Variants in CPE observed in about 807,000 individuals in gnomAD.
CPE encodes carbocypeptidase E.
Under a neutral mutation model 53.5 loss-of-function variants are expected in CPE, and 17 were observed. The observed-to-expected ratio is 0.32, with a 90% CI of 0.22 to 0.48. CPE has a LOEUF of 0.48. CPE is among the 20% of genes least tolerant of loss of function. CPE has a pLI of 0.99. For synonymous variants in CPE, 226 were observed against 228.8 expected, an observed-to-expected ratio of 0.99 and a Z score of 0.11; for missense variants, 524 against 614.7, an observed-to-expected ratio of 0.85 and a Z score of 1.56.
chr4:165,439,800 G>A lies in CPE; in HGVS notation c.308-24590G>A, dbSNP rs150327697. 4.9e-3 allele frequency among the ~76,000 whole-genome samples: 740 copies of A among 152,232 alleles called. 9 individuals are homozygous for A. Among genetic ancestry groups the A allele is most frequent in the African/African-American group, 0.017 (709 of 41,562 alleles). Reference sequence around the variant, plus strand: ...GCAGACTGATTGGAAGAGGGGAGCAGTTTACAACAAATAGAGCAAATGTCA... The same window carrying A: ...GCAGACTGATTGGAAGAGGGGAGCAATTTACAACAAATAGAGCAAATGTCA... On this transcript the variant is annotated intron_variant, in intron 1 of 8. Transcript: ENST00000402744.
chr4:165,460,089 G>A (rs1353866523), intron 1 of CPE, among the ~76,000 whole-genome samples: 2 of 151,910 alleles, frequency 1.3e-5, no homozygotes, highest in South Asian at 2.1e-4. Context: ...TATACCAGCC[G>A]GATCCACATA....
intron 1 of CPE, chr4:165,386,313 C>T (rs1730591487): frequency 2.0e-6 from 1 of 496,232 alleles, no homozygotes; most frequent in African/African-American, 2.1e-5. Context: ...TTCTTGTGCT[C>T]TAGGATTGTA....
At chr4:165,461,271 C>T (rs1197767531) in intron 1 of CPE, among the ~76,000 whole-genome samples, 1 of 151,526 alleles carries the variant, frequency 6.6e-6, no homozygotes, top group Non-Finnish European at 1.5e-5. Context: ...TTTAGCCATA[C>T]TTAGAAGGCT....
chr4:165,429,561 G>A (rs975046805), intron 1 of CPE, among the ~76,000 whole-genome samples: 1 of 152,054 alleles, frequency 6.6e-6, no homozygotes, highest in Non-Finnish European at 1.5e-5. Flanking sequence ...AATTGGGCAG[G>A]CATGGTGGTG....
At chr4:165,429,532 G>C (rs1229926411) in intron 1 of CPE, among the ~76,000 whole-genome samples, 1 of 151,870 alleles carries the variant, frequency 6.6e-6, no homozygotes, top group Non-Finnish European at 1.5e-5. Flanking sequence ...GTGAAACCCT[G>C]TCTCTACAAA....
chr4:165,379,485 C>T lies in CPE; in HGVS notation c.264C>T (p.Leu88=). 2 of 1,602,230 alleles carry T rather than the reference C, an allele frequency of 1.2e-6. No homozygotes were observed. Among genetic ancestry groups the T allele is most frequent in the East Asian group, 4.5e-5 (2 of 44,554 alleles). Residue 88 remains leucine (L), a synonymous_variant, in exon 1 of 9, where the codon CTC becomes CTT. Transcript: ENST00000402744. This position sits in a 1 kb window ranked among gnomAD's most constrained non-coding sequence, Gnocchi z 6.0. ...TVGRSFEGRE[L]LVIELSDNPG... Reference sequence around the variant, plus strand: ...GGCGCAGCTTCGAGGGCCGGGAGCTCCTGGTCATCGAGCTGTCCGACAACC... The same window carrying T: ...GGCGCAGCTTCGAGGGCCGGGAGCTTCTGGTCATCGAGCTGTCCGACAACC...
intron 1 of CPE, among the ~76,000 whole-genome samples, chr4:165,447,286 T>G (rs1731731638): frequency 6.6e-6 from 1 of 152,114 alleles, no homozygotes; most frequent in Non-Finnish European, 1.5e-5. Context: ...GAAATATTTT[T>G]ATGGCCAGGA....
intron 1 of CPE, among the ~76,000 whole-genome samples, chr4:165,420,912 C>T (rs28450545): frequency 0.3 from 44,946 of 152,014 alleles, 6,734 homozygotes; most frequent in Middle Eastern, 0.39. Flanking sequence ...CACATTTCTA[C>T]TTTCTGACAT....
At chr4:165,398,072 C>A (rs10000308) in intron 1 of CPE, among the ~76,000 whole-genome samples, 6,687 of 116,226 alleles carry the variant, frequency 0.058, 327 homozygotes, top group African/African-American at 0.15. Context: ...AAAAAAAAAA[C>A]AAAACCCCAC....
rs1732714079 is a variant in CPE at position 165,497,014 on chromosome 4, C to A, written c.1333-498C>A. Among the ~76,000 whole-genome samples, 3 of 152,148 alleles carry A rather than the reference C, an allele frequency of 2.0e-5. No individual in the cohort carries two copies. The South Asian group carries it at 6.2e-4, about 32-fold the overall frequency. On this transcript the variant is annotated intron_variant, in intron 8 of 8. Coordinates refer to ENST00000402744, the MANE Select transcript of CPE (RefSeq NM_001873.4). ...CTTGGCTCACTGCAAGCTCTGCCTC[C>A]CGGGTTCAAGAAATTCTCCTGCCTC...
intron 1 of CPE, among the ~76,000 whole-genome samples, chr4:165,454,297 C>T (rs920566323): frequency 1.3e-5 from 2 of 152,108 alleles, no homozygotes; most frequent in African/African-American, 2.4e-5. Flanking sequence ...GATTCTACTG[C>T]GTGGCCTACT....
intron 3 of CPE, 63 bp downstream of exon 3, chr4:165,467,918 C>T (rs1732138081): frequency 6.5e-7 from 1 of 1,541,462 alleles, no homozygotes; most frequent in African/African-American, 1.4e-5. Flanking sequence ...GTTCCAATAT[C>T]TTCATCATCA....
At chr4:165,464,194 A>G (rs751426998) in intron 1 of CPE, among the ~76,000 whole-genome samples, 196 bp from the exon 2 acceptor site, 11 of 152,198 alleles carry the variant, frequency 7.2e-5, no homozygotes, top group East Asian at 1.9e-4. Context: ...AGTTCAGTCC[A>G]TAACAGGTGG....
intron 1 of CPE, among the ~76,000 whole-genome samples, chr4:165,463,011 C>G (rs1452057619): frequency 6.6e-6 from 1 of 152,032 alleles, no homozygotes; most frequent in African/African-American, 2.4e-5. Flanking sequence ...AAATTGGGCC[C>G]GTGGGATGGA....
At chr4:165,475,344 C>G (rs1378409711) in intron 3 of CPE, among the ~76,000 whole-genome samples, 4 of 152,206 alleles carry the variant, frequency 2.6e-5, no homozygotes, top group Non-Finnish European at 5.9e-5. Context: ...CAATTTGTAT[C>G]TATCCTGGCA....
At chr4:165,429,723 C>T (rs1731378459) in intron 1 of CPE, among the ~76,000 whole-genome samples, 1 of 149,710 alleles carries the variant, frequency 6.7e-6, no homozygotes, top group Non-Finnish European at 1.5e-5. Flanking sequence ...AGTTACTAAG[C>T]TTCTGTCATG....
intron 1 of CPE, among the ~76,000 whole-genome samples, chr4:165,383,847 C>T (rs934379515): frequency 3.9e-5 from 6 of 152,150 alleles, no homozygotes; most frequent in African/African-American, 1.4e-4. Context: ...GATGTTAGAT[C>T]CTAGAGAAGA....
At chr4:165,453,988 A>T (rs1731857231) in intron 1 of CPE, among the ~76,000 whole-genome samples, 1 of 146,960 alleles carries the variant, frequency 6.8e-6, no homozygotes, top group Non-Finnish European at 1.5e-5. Context: ...TTTTTTTTTT[A>T]CAAATACCCC....
At chr4:165,432,855 C>T (rs1731436237) in intron 1 of CPE, among the ~76,000 whole-genome samples, 1 of 152,154 alleles carries the variant, frequency 6.6e-6, no homozygotes, top group Non-Finnish European at 1.5e-5. Context: ...GCCTCCTTAT[C>T]CCTTCCTCCA....
Sources: gnomAD v4.1 joint callset for allele counts (sites outside exome capture counted in the v4.1 genomes callset) on GRCh38, gnomAD v4.1.1 for gene constraint, Gnocchi (gnomAD v3.1) non-coding constraint, MANE v1.5 for transcripts, NCBI Gene and HGNC (gene_info 2026-07-23, HGNC 2026-07-21) for gene names.